SAMD12: variants seen among roughly 807,000 people sequenced by gnomAD.
SAMD12 encodes the protein sterile alpha motif domain-containing protein 12.
A neutral mutation model predicts 15.0 loss-of-function variants in SAMD12; 9 were observed. That is an observed-to-expected ratio of 0.60 (90% CI 0.36 to 1.05). The LOEUF (loss-of-function observed/expected upper bound fraction) is 1.05. Among genes scored for constraint, SAMD12 ranks in the 50% least tolerant of loss-of-function variants. The pLI is 0.01. For missense variants in SAMD12, 230 were observed against 234.2 expected (o/e 0.98, Z 0.12); for synonymous variants, 86 against 90.1 (o/e 0.96, Z 0.25).
chr8:118,337,316 A>G (rs75971074), intron 4 of SAMD12, among the ~76,000 whole-genome samples: 242 of 152,268 alleles, frequency 1.6e-3, no homozygotes, highest in Non-Finnish European at 2.9e-3. Flanking sequence ...GCTTTTGCAC[A>G]TCACTGTCCC....
chr8:118,484,371 G>A (rs1343101644), intron 2 of SAMD12, among the ~76,000 whole-genome samples: 1 of 152,152 alleles, frequency 6.6e-6, no homozygotes, highest in Non-Finnish European at 1.5e-5. Context: ...ACAGTGCCTA[G>A]TTAACAACAC....
chr8:118,510,734 C>T (rs1450926884), intron 2 of SAMD12, among the ~76,000 whole-genome samples: 2 of 152,172 alleles, frequency 1.3e-5, no homozygotes, highest in Non-Finnish European at 2.9e-5. Flanking sequence ...TGCCCAGTAC[C>T]TCTCTACCCC....
intron 4 of SAMD12, among the ~76,000 whole-genome samples, chr8:118,324,919 A>G (rs1366854163): frequency 1.3e-5 from 2 of 152,188 alleles, no homozygotes; most frequent in Admixed American, 6.5e-5. Flanking sequence ...TACCTGGCAC[A>G]TGGCTATTCA....
At chr8:118,297,479 A>G (rs943795910) in intron 4 of SAMD12, among the ~76,000 whole-genome samples, 1 of 152,250 alleles carries the variant, frequency 6.6e-6, no homozygotes, top group African/African-American at 2.4e-5. Flanking sequence ...GGAGCAGCAT[A>G]CATTGGATAA....
At chr8:118,320,820 A>AAT (rs556901289) in intron 4 of SAMD12, among the ~76,000 whole-genome samples, 502 of 123,094 alleles carry the variant, frequency 4.1e-3, no homozygotes, top group African/African-American at 7.7e-3. Context: ...GTATAATAAA[A>AAT]ATATATATAT....
intron 4 of SAMD12, among the ~76,000 whole-genome samples, chr8:118,299,848 T>C (rs757757841): frequency 6.6e-6 from 1 of 152,070 alleles, no homozygotes; most frequent in African/African-American, 2.4e-5. Context: ...GTTGTTGTTG[T>C]AGGGTAGTGA....
At chr8:118,275,764 T>C (rs1813460682) in intron 4 of SAMD12, among the ~76,000 whole-genome samples, 1 of 152,196 alleles carries the variant, frequency 6.6e-6, no homozygotes, top group Non-Finnish European at 1.5e-5. Context: ...TCTATGTTCA[T>C]GAGTACCCAG....
chr8:118,393,993 T>C (rs1820424209), intron 3 of SAMD12, among the ~76,000 whole-genome samples: 1 of 142,276 alleles, frequency 7.0e-6, no homozygotes, highest in Non-Finnish European at 1.5e-5. Flanking sequence ...AAAAGAGTAA[T>C]AAAAGTGGGC....
chr8:118,252,440 G>T (rs992315208), intron 4 of SAMD12, among the ~76,000 whole-genome samples: 5 of 152,126 alleles, frequency 3.3e-5, no homozygotes, highest in African/African-American at 4.8e-5. Flanking sequence ...CTTGTCATTG[G>T]CAGAGCCAGG....
At chr8:118,531,652 A>C (rs1427417316) in intron 2 of SAMD12, among the ~76,000 whole-genome samples, 1 of 152,130 alleles carries the variant, frequency 6.6e-6, no homozygotes, top group Non-Finnish European at 1.5e-5. Context: ...CATCCCTTGT[A>C]AGTTGGATTC....
chr8:118,302,078 G>GATTTTTTTTTTTTTT (rs1815062939), intron 4 of SAMD12, among the ~76,000 whole-genome samples: 1 of 74,692 alleles, frequency 1.3e-5, no homozygotes, highest in African/African-American at 7.0e-5. Context: ...ATCTTTGAGA[G>GATTTTTTTTTTTTTT]TTTTTTTTTT....
intron 4 of SAMD12, among the ~76,000 whole-genome samples, chr8:118,362,834 C>T (rs554964671): frequency 2.0e-5 from 3 of 152,174 alleles, no homozygotes; most frequent in Admixed American, 1.3e-4. Flanking sequence ...TAAGATTACT[C>T]AAGATATTGG....
intron 2 of SAMD12, among the ~76,000 whole-genome samples, chr8:118,444,240 C>A (rs1822838449): frequency 1.3e-5 from 2 of 152,178 alleles, no homozygotes; most frequent in Non-Finnish European, 2.9e-5. Flanking sequence ...TGCCCCAGTT[C>A]TTTTTCTCAA....
chr8:118,152,415 C>T, the SAMD12 span, among the ~76,000 whole-genome samples: 1 of 151,402 alleles, frequency 6.6e-6, no homozygotes, highest in Non-Finnish European at 1.5e-5. Flanking sequence ...TCCTTTCCTT[C>T]CTTTCCTTTC....
At chr8:118,438,940 A>C (rs1217188144) in intron 3 of SAMD12, among the ~76,000 whole-genome samples, 1 of 152,118 alleles carries the variant, frequency 6.6e-6, no homozygotes. Context: ...CCTATCTTTC[A>C]CTGCACTGTT....
rs149537745 is a variant in SAMD12 at position 118,210,133 on chromosome 8, A to G, written c.434-12401T>C. ...GTATTATCTCTATTTGGATGAGGAA[A>G]CCAAGGTACACAGAAGACAAGGGAT... On this transcript the variant is annotated intron_variant, in intron 4 of 4. Transcript: ENST00000409003. Among the ~76,000 whole-genome samples the G allele has an allele frequency of 8.5e-5, 13 of 152,316 alleles. No individual in the cohort carries two copies. The East Asian group carries it at 1.6e-3, about 18-fold the overall frequency.
chr8:118,598,057 C>G (rs528815602), intron 1 of SAMD12, among the ~76,000 whole-genome samples: 2 of 152,184 alleles, frequency 1.3e-5, no homozygotes, highest in Non-Finnish European at 2.9e-5. Context: ...TTGTTTCCTT[C>G]TGTAAGGCTT....
At chr8:118,156,656 A>T in the SAMD12 span, among the ~76,000 whole-genome samples, 1 of 152,200 alleles carries the variant, frequency 6.6e-6, no homozygotes, top group African/African-American at 2.4e-5. Flanking sequence ...ACGGGCATCT[A>T]TTATATACTG....
At chr8:118,322,349 CATA>C (rs1202453753) in intron 4 of SAMD12, among the ~76,000 whole-genome samples, 1 of 152,228 alleles carries the variant, frequency 6.6e-6, no homozygotes, top group East Asian at 1.9e-4. Flanking sequence ...ATGCCCACCA[CATA>C]ATAAGCTCTT....
Sources: gnomAD v4.1 joint callset for allele counts (sites outside exome capture counted in the v4.1 genomes callset) on GRCh38, gnomAD v4.1.1 for gene constraint, MANE v1.5 for transcripts, NCBI Gene and HGNC (gene_info 2026-07-23, HGNC 2026-07-21) for gene names.